Variants in ADGRV1 observed in about 807,000 individuals in gnomAD.
ADGRV1 encodes the protein adhesion G protein-coupled receptor V1.
ADGRV1 carries 359 observed loss-of-function variants against 596.2 expected under a neutral mutation model. That is an observed-to-expected ratio of 0.60 (90% CI 0.55 to 0.66). The LOEUF (loss-of-function observed/expected upper bound fraction) is 0.66, where lower values mean the gene tolerates loss of function less well. Ranked by LOEUF, ADGRV1 falls within the 30% of genes least tolerant of loss-of-function variation. ADGRV1 has a pLI of 0.00. For missense variants in ADGRV1, 7,274 were observed against 7,575.6 expected (o/e 0.96, Z 1.48); for synonymous variants, 2,681 against 2,679.2 (o/e 1.00, Z -0.02).
chr5:90,983,845 C>T (rs1780277388), intron 84 of ADGRV1, among the ~76,000 whole-genome samples: 1 of 152,164 alleles, frequency 6.6e-6, no homozygotes, highest in Admixed American at 6.6e-5. Flanking sequence ...TTATCCTTCC[C>T]TGGTTTAGCC....
At chr5:90,881,003 G>C (rs2150541622) in intron 83 of ADGRV1, among the ~76,000 whole-genome samples, 1 of 152,182 alleles carries the variant, frequency 6.6e-6, no homozygotes, top group Non-Finnish European at 1.5e-5. Flanking sequence ...TCACTCTTTG[G>C]GGAAGCTTAA....
At position 91,093,365 on chromosome 5, in the gene ADGRV1, A is replaced by G. The variant is rs192175404; in HGVS notation, c.18311-8854A>G. The stretch of plus-strand genomic sequence containing the variant: ...CAAAGCAAATTAACTTTTCCCTGAA[A>G]TGCATTCTCTTCATTCTTGTACTTT... On this transcript the variant is annotated intron_variant, in intron 86 of 89. Coordinates refer to ENST00000405460, the MANE Select transcript of ADGRV1 (RefSeq NM_032119.4). Among the ~76,000 whole-genome samples the G allele has an allele frequency of 1.6e-3, 245 of 152,336 alleles. 1 individual carries two copies. Among genetic ancestry groups the G allele is most frequent in the Non-Finnish European group, 2.8e-3 (193 of 68,030 alleles).
intron 83 of ADGRV1, among the ~76,000 whole-genome samples, chr5:90,907,218 G>A (rs1283900426): frequency 6.6e-6 from 1 of 151,954 alleles, no homozygotes; most frequent in Non-Finnish European, 1.5e-5. Context: ...GAAATCAAAT[G>A]ACTTATAAAA....
chr5:90,655,814 A>G (rs1290722972), intron 20 of ADGRV1: 1 of 152,196 alleles, frequency 6.6e-6, no homozygotes, highest in African/African-American at 2.4e-5. Context: ...ACACATATAC[A>G]ACAAAAATAG....
chr5:91,150,912 C>T (rs1369137037), intron 88 of ADGRV1, among the ~76,000 whole-genome samples: 1 of 152,180 alleles, frequency 6.6e-6, no homozygotes, highest in African/African-American at 2.4e-5. Flanking sequence ...GGCCACTGCT[C>T]ACATTTTAAA....
chr5:90,570,641 C>T (rs931123834), intron 1 of ADGRV1, among the ~76,000 whole-genome samples: 7 of 152,078 alleles, frequency 4.6e-5, no homozygotes, highest in African/African-American at 1.7e-4. Flanking sequence ...TTTTGTTCCT[C>T]AGCCTGGGTA....
At chr5:90,572,075 C>T (rs1756601004) in intron 1 of ADGRV1, among the ~76,000 whole-genome samples, 1 of 152,082 alleles carries the variant, frequency 6.6e-6, no homozygotes, top group Non-Finnish European at 1.5e-5. Flanking sequence ...CTTCCCCCTA[C>T]CTCTTGTTAG....
intron 1 of ADGRV1, among the ~76,000 whole-genome samples, chr5:90,562,256 T>C (rs973301528): frequency 3.3e-5 from 5 of 152,224 alleles, no homozygotes; most frequent in Non-Finnish European, 7.3e-5. Flanking sequence ...GTCTACTCCA[T>C]GTAGAATGGA....
At chr5:90,922,177 A>T (rs191937247) in intron 83 of ADGRV1, among the ~76,000 whole-genome samples, 1 of 152,176 alleles carries the variant, frequency 6.6e-6, no homozygotes. Flanking sequence ...GCCACACTGT[A>T]TGGTGTCAAC....
chr5:90,662,651 A>T (rs55660241), intron 21 of ADGRV1, among the ~76,000 whole-genome samples: 79,225 of 150,746 alleles, frequency 0.53, 21,271 homozygotes, highest in East Asian at 0.81. Context: ...AGGGTACATG[A>T]GCACATTGTG....
chr5:90,655,235 T>G (rs1242073120), intron 20 of ADGRV1: 2 of 152,242 alleles, frequency 1.3e-5, no homozygotes, highest in Non-Finnish European at 2.9e-5. Flanking sequence ...ACTATTGGCA[T>G]TTTTAAGAGC....
At chr5:90,987,210 G>A (rs796088774) in intron 85 of ADGRV1, among the ~76,000 whole-genome samples, 2 of 152,256 alleles carry the variant, frequency 1.3e-5, no homozygotes, top group Admixed American at 6.5e-5. Context: ...GCCGGGCGTG[G>A]TAGCTCACGC....
At chr5:90,818,577 G>A (rs1763151197) in intron 75 of ADGRV1, among the ~76,000 whole-genome samples, 1 of 151,262 alleles carries the variant, frequency 6.6e-6, no homozygotes, top group South Asian at 2.1e-4. Context: ...TTATTATTTT[G>A]AAATACATCC....
chr5:90,860,734 A>T (rs574640719), intron 82 of ADGRV1, among the ~76,000 whole-genome samples: 1 of 150,644 alleles, frequency 6.6e-6, no homozygotes, highest in African/African-American at 2.4e-5. Context: ...AAAAAAAAAA[A>T]GCCTAAGCTA....
chr5:91,117,672 C>A (rs1037368526), intron 87 of ADGRV1, among the ~76,000 whole-genome samples: 2 of 152,158 alleles, frequency 1.3e-5, no homozygotes, highest in Non-Finnish European at 2.9e-5. Context: ...AAACCATTTA[C>A]TCAAATACTA....
chr5:91,140,405 A>G (rs1200851915), intron 87 of ADGRV1, among the ~76,000 whole-genome samples: 1 of 152,228 alleles, frequency 6.6e-6, no homozygotes, highest in Non-Finnish European at 1.5e-5. Flanking sequence ...TAATTAAAGG[A>G]CACTGACCAA....
At chr5:90,971,047 A>G (rs1016209664) in intron 84 of ADGRV1, among the ~76,000 whole-genome samples, 1 of 152,224 alleles carries the variant, frequency 6.6e-6, no homozygotes, top group African/African-American at 2.4e-5. Context: ...CACAAGAACT[A>G]CGTGATGAAT....
chr5:90,716,899 C>G, intron 43 of ADGRV1, 170 bp downstream of exon 43: 2 of 535,876 alleles, frequency 3.7e-6, no homozygotes, highest in Non-Finnish European at 6.5e-6. Flanking sequence ...GTTCTATTTA[C>G]TCTGTATAAA....
intron 85 of ADGRV1, among the ~76,000 whole-genome samples, chr5:91,002,414 T>C (rs1207402626): frequency 6.6e-6 from 1 of 152,206 alleles, no homozygotes; most frequent in African/African-American, 2.4e-5. Context: ...TTTTGGATTC[T>C]GCAGTGTCAT....
Sources: allele counts gnomAD v4.1 joint callset (sites outside exome capture counted in the v4.1 genomes callset), GRCh38; gene constraint gnomAD v4.1.1; transcripts MANE v1.5; gene names NCBI Gene and HGNC (gene_info 2026-07-23, HGNC 2026-07-21).